CADPS: variants seen among roughly 807,000 people sequenced by gnomAD.
CADPS encodes calcium dependent secretion activator.
A neutral mutation model predicts 167.3 loss-of-function variants in CADPS; 57 were observed. The observed-to-expected ratio is 0.34, with a 90% confidence interval of 0.28 to 0.42. The LOEUF (loss-of-function observed/expected upper bound fraction) is 0.42, where lower values mean the gene tolerates loss of function less well. Ranked by LOEUF, CADPS falls within the 20% of genes least tolerant of loss-of-function variation. CADPS has a pLI of 1.00. For missense variants in CADPS, 1,414 were observed against 1,738.1 expected (o/e 0.81, Z 3.32); for synonymous variants, 676 against 635.3 (o/e 1.06, Z -0.96).
intron 1 of CADPS, among the ~76,000 whole-genome samples, chr3:62,794,792 A>AAAAAAAAAAAAAAAAAAAAAAAG (rs1559654139): frequency 1.3e-4 from 19 of 147,438 alleles, no homozygotes; most frequent in African/African-American, 5.1e-4. Context: ...AAAAAAAAAA[A>AAAAAAAAAAAAAAAAAAAAAAAG]AAAAAAAAAA....
chr3:62,825,488 A>T (rs545662997), intron 1 of CADPS, among the ~76,000 whole-genome samples: 53 of 152,216 alleles, frequency 3.5e-4, no homozygotes, highest in Middle Eastern at 3.4e-3. Flanking sequence ...GGTAATTCCA[A>T]TGCATGCTCA....
At chr3:62,764,413 A>C (rs1185147920) in intron 2 of CADPS, among the ~76,000 whole-genome samples, 1 of 152,212 alleles carries the variant, frequency 6.6e-6, no homozygotes, top group African/African-American at 2.4e-5. Flanking sequence ...ATTTTAAAAG[A>C]TTTAAATTTG....
intron 6 of CADPS, among the ~76,000 whole-genome samples, chr3:62,639,790 C>T (rs1054024829): frequency 1.3e-5 from 2 of 152,126 alleles, no homozygotes; most frequent in Non-Finnish European, 2.9e-5. Context: ...CTGCCCTGCT[C>T]TCTGCACTCT....
chr3:62,691,010 T>C (rs2079008544), intron 3 of CADPS, among the ~76,000 whole-genome samples: 1 of 152,016 alleles, frequency 6.6e-6, no homozygotes, highest in South Asian at 2.1e-4. Context: ...AAGTGAGCTA[T>C]CAAACCTTGA....
At chr3:62,694,643 G>A (rs2079926003) in intron 3 of CADPS, among the ~76,000 whole-genome samples, 1 of 152,058 alleles carries the variant, frequency 6.6e-6, no homozygotes, top group Admixed American at 6.6e-5. Flanking sequence ...CAGAATGCCT[G>A]ATCCACTGAC....
chr3:62,782,988 G>C (rs773022564), intron 1 of CADPS, among the ~76,000 whole-genome samples: 9 of 152,086 alleles, frequency 5.9e-5, no homozygotes, highest in Non-Finnish European at 1.3e-4. Context: ...TCAAACTCCT[G>C]ACCTCAGGTT....
At position 62,871,811 on chromosome 3, in the gene CADPS, G is replaced by A. The variant is rs191460601; in HGVS notation, c.441+2778C>T. Among the ~76,000 whole-genome samples the A allele has an allele frequency of 2.3e-3, 357 of 152,248 alleles. 1 individual carries two copies. The highest frequency in any genetic ancestry group is 8.1e-3 in the African/African-American group (337 of 41,556). ...ATTGTAACCCATGTCCCATACTACTGTAAGATATTAAGAAGGGAAATTAGA... is the reference window on the plus strand; with the variant it reads ...ATTGTAACCCATGTCCCATACTACTATAAGATATTAAGAAGGGAAATTAGA... On this transcript the variant is annotated intron_variant, in intron 1 of 29. Coordinates refer to ENST00000383710, the MANE Select transcript of CADPS (RefSeq NM_003716.4).
intron 6 of CADPS, among the ~76,000 whole-genome samples, chr3:62,639,615 A>G (rs1003504332): frequency 6.6e-5 from 10 of 152,240 alleles, no homozygotes; most frequent in Non-Finnish European, 1.3e-4. Flanking sequence ...CTAGTTTACC[A>G]ATATATGGTT....
At chr3:62,701,606 T>TAAAAAA (rs5849494) in intron 3 of CADPS, among the ~76,000 whole-genome samples, 3 of 130,036 alleles carry the variant, frequency 2.3e-5, no homozygotes, top group East Asian at 2.2e-4. Context: ...AGACTCAGTC[T>TAAAAAA]AAAAAAAAAA....
chr3:62,478,341 C>A lies in CADPS; in HGVS notation c.3249G>T (p.Trp1083Cys), dbSNP rs2061569277. 1 of 1,613,744 alleles carries A rather than the reference C, an allele frequency of 6.2e-7. No homozygotes were observed. Among genetic ancestry groups the A allele is most frequent in the Non-Finnish European group, 8.5e-7 (1 of 1,179,820 alleles). The change falls in exon 23 of 30, where the codon TGG becomes TGT. Residue 1083 changes from tryptophan (W) to cysteine (C), a missense_variant. By Grantham distance (215) the Trp-to-Cys change is radical. Around this residue, in one of 6 missense-constraint regions of CADPS, gnomAD observed 529 missense variants for 629.6 expected, o/e 0.84. Transcript: ENST00000383710. This position sits in a 1 kb window ranked among gnomAD's most constrained non-coding sequence, Gnocchi z 5.7. ...ALQTFIRDLH[W>C]PEEEFGKHLE... ...GGTGCTTTCCAAACTCTTCTTCAGG[C>A]CAGTGCAGGTCCCGAATGAAGGTCT... is the stretch of plus-strand genomic sequence containing the variant.
chr3:62,591,306 T>G (rs531250311), intron 7 of CADPS, among the ~76,000 whole-genome samples: 1 of 152,284 alleles, frequency 6.6e-6, no homozygotes, highest in Middle Eastern at 3.4e-3. Context: ...CTTTCTCTCA[T>G]TGGTGATCAC....
chr3:62,508,142 G>A (rs1356397130), intron 17 of CADPS, among the ~76,000 whole-genome samples: 2 of 152,146 alleles, frequency 1.3e-5, no homozygotes, highest in Non-Finnish European at 2.9e-5. Context: ...GTCATCAAAT[G>A]TCCTACTGGA....
At chr3:62,619,397 C>T (rs887075914) in intron 6 of CADPS, among the ~76,000 whole-genome samples, 1 of 152,184 alleles carries the variant, frequency 6.6e-6, no homozygotes, top group African/African-American at 2.4e-5. Context: ...AAAAGCCCTA[C>T]ACGTGCTGCA....
intron 1 of CADPS, among the ~76,000 whole-genome samples, chr3:62,781,192 A>G (rs895515300): frequency 2.0e-5 from 3 of 152,162 alleles, no homozygotes; most frequent in African/African-American, 4.8e-5. Context: ...GACTTGTCCT[A>G]GGGCAGACTC....
At chr3:62,728,147 T>C (rs1202152325) in intron 3 of CADPS, among the ~76,000 whole-genome samples, 1 of 151,714 alleles carries the variant, frequency 6.6e-6, no homozygotes, top group African/African-American at 2.4e-5. Context: ...GCAAAAGTAA[T>C]TGCGGTTTTT....
At chr3:62,800,766 G>C (rs768969616) in intron 1 of CADPS, among the ~76,000 whole-genome samples, 1 of 151,988 alleles carries the variant, frequency 6.6e-6, no homozygotes, top group East Asian at 1.9e-4. Flanking sequence ...TGTCATTTTA[G>C]TTAAATGGTT....
In CADPS at chr3:62,474,170, T is replaced by TTTTTTTTTTTTTAA; in HGVS notation, c.3477+2_3477+3insTTAAAAAAAAAAAA. 6.1e-6 allele frequency: 9 copies of TTTTTTTTTTTTTAA among 1,475,354 alleles called. No individual in the cohort carries two copies. Among genetic ancestry groups the TTTTTTTTTTTTTAA allele is most frequent in the South Asian group, 1.4e-5 (1 of 72,490 alleles). The allele number at this position is 1,475,354 out of a possible 1,614,324, so 91.4% of individuals were successfully genotyped here. A position where few individuals can be genotyped will look rare whatever the true frequency, so the allele number is the denominator to read the frequency against. Reference sequence around the variant, plus strand: ...AAATCTGTATTTTTTTTTTTTTTTTTACCTCTTGGCCCATTTCCATGCTGC... The same window carrying TTTTTTTTTTTTTAA: ...AAATCTGTATTTTTTTTTTTTTTTTTTTTTTTTTTTTTAAACCTCTTGGCCCATTTCCATGCTGC... On this transcript the variant is annotated splice_region_variant and intron_variant, in intron 24 of 29. Transcript: ENST00000383710.
chr3:62,821,705 C>A (rs2094928300), intron 1 of CADPS, among the ~76,000 whole-genome samples: 1 of 152,166 alleles, frequency 6.6e-6, no homozygotes, highest in South Asian at 2.1e-4. Flanking sequence ...TCTACAAAGA[C>A]CCTGTCTCCA....
chr3:62,809,398 C>A (rs867118933), intron 1 of CADPS, among the ~76,000 whole-genome samples: 2 of 152,286 alleles, frequency 1.3e-5, no homozygotes, highest in Admixed American at 6.5e-5. Context: ...GTGCCACAGG[C>A]CTTCTTTCTC....
Sources: allele counts gnomAD v4.1 joint callset (sites outside exome capture counted in the v4.1 genomes callset), GRCh38; gene constraint gnomAD v4.1.1; regional missense constraint gnomAD v4.1.1; non-coding constraint Gnocchi (gnomAD v3.1); transcripts MANE v1.5; gene names NCBI Gene and HGNC (gene_info 2026-07-23, HGNC 2026-07-21).